Variants in ATP12A observed in about 807,000 individuals in gnomAD.
ATP12A encodes ATPase H+/K+ transporting non-gastric alpha2 subunit.
ATP12A carries 81 observed loss-of-function variants against 111.2 expected under a neutral mutation model. The observed-to-expected ratio is 0.73, with a 90% confidence interval of 0.61 to 0.88. ATP12A has a LOEUF of 0.88. Ranked by LOEUF, ATP12A falls within the 40% of genes least tolerant of loss-of-function variation. ATP12A has a pLI of 0.00. For missense variants in ATP12A, 1,196 were observed against 1,313.1 expected, an observed-to-expected ratio of 0.91 and a Z score of 1.38; for synonymous variants, 498 against 499.8, an observed-to-expected ratio of 1.00 and a Z score of 0.05.
chr13:24,711,290 G>A, intron 21 of ATP12A, 28 bp from the exon 22 acceptor site: 2 of 1,570,524 alleles, frequency 1.3e-6, no homozygotes, highest in Non-Finnish European at 1.7e-6. Context: ...GATGAGTCAG[G>A]GTTCACTTTC....
In ATP12A at chr13:24,680,607, C is replaced by A. The variant is rs2137682322; in HGVS notation, c.-137C>A. ...GCGGAGGTGCGTGCAGGGCCCGCGC[C>A]GCCGCCGGTATCTCCACCGCCAACA... On this transcript the variant is annotated 5_prime_UTR_variant, in exon 1 of 23. Coordinates refer to ENST00000381946, the MANE Select transcript of ATP12A (RefSeq NM_001676.7). 5 of 1,072,830 alleles carry A rather than the reference C, an allele frequency of 4.7e-6. No homozygotes were observed. In the African/African-American group the frequency reaches 5.0e-5, roughly 11 times the overall value. 66.5% of individuals were successfully genotyped at this position (1,072,830 alleles called of 1,614,324 possible). A position where few individuals can be genotyped will look rare whatever the true frequency, so the allele number is the denominator to read the frequency against.
chr13:24,680,415 C>A lies in ATP12A; in HGVS notation c.-329C>A. ...GGGGATTCCCAGGGGGTCCTCAATCCTGGACTCTCCCGACCCCTAGCTGTC... is the reference window on the plus strand; with the variant it reads ...GGGGATTCCCAGGGGGTCCTCAATCATGGACTCTCCCGACCCCTAGCTGTC... On this transcript the variant is annotated 5_prime_UTR_variant, in exon 1 of 23. In the 5' UTR this introduces an upstream ATG that the reference lacks. Transcript: ENST00000381946. The A allele has an allele frequency of 2.8e-6, 1 of 361,486 alleles. No individual in the cohort carries two copies. The highest frequency in any genetic ancestry group is 5.0e-6 in the Non-Finnish European group (1 of 199,856). The allele number at this position is 361,486 out of a possible 1,614,324, so 22.4% of individuals were successfully genotyped here.
In ATP12A at chr13:24,707,423, G is replaced by T. The variant is rs751886753; in HGVS notation, c.2483G>T (p.Gly828Val). 6.2e-7 allele frequency: 1 copy of T among 1,614,176 alleles called. No homozygotes were observed. Among genetic ancestry groups the T allele is most frequent in the Non-Finnish European group, 8.5e-7 (1 of 1,180,034 alleles). ...ATCACCATTCTGTTCATTGACTTGGGGACAGACATTGTAAGTGACACTGAA... is the reference window on the plus strand; with the variant it reads ...ATCACCATTCTGTTCATTGACTTGGTGACAGACATTGTAAGTGACACTGAA... Reference protein sequence around the residue: ...GTITILFIDLGTDIIPSIALA... With the variant: ...GTITILFIDLVTDIIPSIALA... The change falls in exon 17 of 23, where the codon GGG becomes GTG. Residue 828 changes from glycine (G) to valine (V), a missense_variant. Gly to Val is a moderately radical substitution (Grantham distance 109). Transcript: ENST00000381946.
At chr13:24,709,042 G>A (rs1010329372) in intron 17 of ATP12A, among the ~76,000 whole-genome samples, 7 of 152,208 alleles carry the variant, frequency 4.6e-5, no homozygotes, top group South Asian at 2.1e-4. Context: ...GAGGTGGGGC[G>A]CAATGATCTG....
intron 11 of ATP12A, among the ~76,000 whole-genome samples, chr13:24,695,046 G>A (rs1875082064): frequency 6.6e-6 from 1 of 152,170 alleles, no homozygotes; most frequent in Non-Finnish European, 1.5e-5. Context: ...TTCGCATCCG[G>A]CCTGTGAGGT....
intron 2 of ATP12A, among the ~76,000 whole-genome samples, chr13:24,682,181 G>A (rs1874494770): frequency 1.6e-5 from 2 of 127,812 alleles, no homozygotes; most frequent in African/African-American, 3.4e-5. Flanking sequence ...TGTGTGGTGT[G>A]TGTATGTGTG....
chr13:24,705,254 G>A (rs139961716), intron 14 of ATP12A, among the ~76,000 whole-genome samples: 185 of 152,320 alleles, frequency 1.2e-3, no homozygotes, highest in East Asian at 4.4e-3. Context: ...AGCGAGACCC[G>A]TGAAGGCCTT....
intron 11 of ATP12A, 133 bp from the exon 12 acceptor site, chr13:24,698,524 AC>A: frequency 5.9e-6 from 6 of 1,017,358 alleles, no homozygotes; most frequent in Non-Finnish European, 8.4e-6. Flanking sequence ...TTACTTGGCC[AC>A]AGAAAGAAAA....
chr13:24,689,212 G>A, intron 4 of ATP12A, 50 bp from the exon 5 acceptor site: 2 of 1,495,246 alleles, frequency 1.3e-6, no homozygotes, highest in Non-Finnish European at 1.9e-6. Flanking sequence ...CCAGGGCCCG[G>A]CTGCTTCCCA....
chr13:24,700,705 C>A, intron 12 of ATP12A, 42 bp from the exon 13 acceptor site: 1 of 1,567,842 alleles, frequency 6.4e-7, no homozygotes. Context: ...TTTTCGTTTC[C>A]TATTCTAGTT....
rs202120970 is a variant in ATP12A at position 24,692,585 on chromosome 13, G to A, written c.1225G>A (p.Asp409Asn). 45 of 1,613,888 alleles carry A rather than the reference G, an allele frequency of 2.8e-5. No homozygotes were observed. The highest frequency in any genetic ancestry group is 3.3e-5 in the South Asian group (3 of 91,068). Residue 409 changes from aspartate (D) to asparagine (N), a missense_variant, in exon 9 of 23, where the codon GAC becomes AAC. This residue lies in a region of ATP12A where 1,126 missense variants were observed against 1,228.5 expected (regional missense o/e 0.92). Coordinates refer to ENST00000381946, the MANE Select transcript of ATP12A (RefSeq NM_001676.7). Reference protein sequence around the residue: ...NRMTVAHLWFDNQIFVADTSE... With the variant: ...NRMTVAHLWFNNQIFVADTSE... ...GATGACAGTGGCCCATCTGTGGTTC[G>A]ACAATCAGATCTTTGTGGCTGACAC...
At chr13:24,699,619 C>G (rs77706032) in intron 12 of ATP12A, among the ~76,000 whole-genome samples, 5 of 152,072 alleles carry the variant, frequency 3.3e-5, no homozygotes, top group African/African-American at 1.2e-4. Flanking sequence ...TCCCATTTAA[C>G]GACTAGGAAG....
At chr13:24,710,655 T>C in intron 20 of ATP12A, 62 bp downstream of exon 20, 13 of 1,610,958 alleles carry the variant, frequency 8.1e-6, no homozygotes, top group Non-Finnish European at 1.1e-5. Flanking sequence ...ATGATGATGA[T>C]TTGTTTTTCA....
intron 14 of ATP12A, among the ~76,000 whole-genome samples, chr13:24,705,542 G>A (rs550794951): frequency 4.3e-4 from 65 of 152,302 alleles, no homozygotes; most frequent in African/African-American, 1.3e-3. Context: ...TTCTGCCTAC[G>A]TAGCACATTG....
At chr13:24,706,089 T>A (rs1343820612) in intron 14 of ATP12A, among the ~76,000 whole-genome samples, 1 of 152,226 alleles carries the variant, frequency 6.6e-6, no homozygotes, top group Non-Finnish European at 1.5e-5. Context: ...TTCCTATTGT[T>A]ATATGGTACC....
At chr13:24,701,788 A>G (rs1875407821) in intron 13 of ATP12A, 147 bp from the exon 14 acceptor site, 1 of 1,025,236 alleles carries the variant, frequency 9.8e-7, no homozygotes, top group Non-Finnish European at 1.5e-6. Flanking sequence ...TCCTCCAAAG[A>G]CAGTTGTCTC....
Position 24,685,241 on chromosome 13 carries a change from G to T in ATP12A, c.169-73G>T. On this transcript the variant is annotated intron_variant, in intron 2 of 22. Coordinates refer to ENST00000381946, the MANE Select transcript of ATP12A (RefSeq NM_001676.7). This position sits in a 1 kb window ranked among gnomAD's most constrained non-coding sequence, Gnocchi z 5.5. ...AGGGCTGCTACTCCCAGCTTCCATG[G>T]CTGGTCAAAGCTTGGGGCTTGAGTC... 2.1e-6 allele frequency: 3 copies of T among 1,450,902 alleles called. No homozygotes were observed. The highest frequency in any genetic ancestry group is 2.3e-5 in the South Asian group (2 of 87,592). 89.9% of individuals were successfully genotyped at this position (1,450,902 alleles called of 1,614,324 possible). A position where few individuals can be genotyped will look rare whatever the true frequency, so the allele number is the denominator to read the frequency against.
At chr13:24,709,553 GC>G in intron 18 of ATP12A, 66 bp downstream of exon 18, 1 of 1,598,738 alleles carries the variant, frequency 6.3e-7, no homozygotes, top group Non-Finnish European at 8.6e-7. Flanking sequence ...GGAGTGGGGG[GC>G]ACAGCCAGAA....
chr13:24,680,768 G>A lies in ATP12A; in HGVS notation c.9+16G>A, dbSNP rs1461373350. On this transcript the variant is annotated intron_variant, in intron 1 of 22. Coordinates refer to ENST00000381946, the MANE Select transcript of ATP12A (RefSeq NM_001676.7). ...CATGCACCAGGTGCGTGCAGCCCCC[G>A]CGCCGGCCGAGGATGCGAGACGCTG... The A allele has an allele frequency of 8.7e-6, 13 of 1,488,528 alleles. No homozygotes were observed. Among genetic ancestry groups the A allele is most frequent in the African/African-American group, 1.5e-5 (1 of 68,550 alleles). 92.2% of individuals were successfully genotyped at this position (1,488,528 alleles called of 1,614,324 possible). A position where few individuals can be genotyped will look rare whatever the true frequency, so the allele number is the denominator to read the frequency against.
Sources: gnomAD v4.1 joint callset for allele counts (sites outside exome capture counted in the v4.1 genomes callset) on GRCh38, gnomAD v4.1.1 for gene constraint, gnomAD v4.1.1 regional missense constraint, Gnocchi (gnomAD v3.1) non-coding constraint, MANE v1.5 for transcripts, NCBI Gene and HGNC (gene_info 2026-07-23, HGNC 2026-07-21) for gene names.